The following AHI1 variants were observed in gnomAD, a reference collection of about 807,000 sequenced individuals.
The protein encoded by AHI1 is jouberin.
AHI1 carries 123 observed loss-of-function variants against 149.3 expected under a neutral mutation model. The ratio of observed to expected loss-of-function variants is 0.82; its 90% CI spans 0.71 to 0.96. The LOEUF (loss-of-function observed/expected upper bound fraction) is 0.96, where lower values mean the gene tolerates loss of function less well. Among genes scored for constraint, AHI1 ranks in the 40% least tolerant of loss-of-function variants. The pLI is 0.00. For missense variants in AHI1, 1,439 were observed against 1,422.7 expected, an observed-to-expected ratio of 1.01 and a Z score of -0.18; for synonymous variants, 475 against 459.8, an observed-to-expected ratio of 1.03 and a Z score of -0.42.
At chr6:135,437,817 T>C (rs922147850) in intron 15 of AHI1, among the ~76,000 whole-genome samples, 6 of 152,228 alleles carry the variant, frequency 3.9e-5, no homozygotes, top group Non-Finnish European at 2.9e-5. Flanking sequence ...AAAAAAAGTA[T>C]AAATGAAACT....
At chr6:135,423,422 A>C (rs1783497226) in intron 20 of AHI1, among the ~76,000 whole-genome samples, 1 of 152,190 alleles carries the variant, frequency 6.6e-6, no homozygotes, top group Admixed American at 6.6e-5. Context: ...TGAGCAACTT[A>C]AATAACAAAT....
rs1408926921 is a variant in AHI1 at position 135,475,552 on chromosome 6, C to T, written c.136-7918G>A. Among the ~76,000 whole-genome samples the T allele has an allele frequency of 2.6e-5, 4 of 152,108 alleles. No individual in the cohort carries two copies. In the South Asian group the frequency reaches 6.2e-4, roughly 24 times the overall value. On this transcript the variant is annotated intron_variant, in intron 5 of 28. Coordinates refer to ENST00000265602, the MANE Select transcript of AHI1 (RefSeq NM_001134831.2). The stretch of plus-strand genomic sequence containing the variant: ...GGTTTGGAGTCTGAGCAGCTGAGGT[C>T]GGTGACACAGGCACTGAATGCTCTG...
At chr6:135,444,946 T>C (rs1175706003) in intron 13 of AHI1, among the ~76,000 whole-genome samples, 1 of 152,226 alleles carries the variant, frequency 6.6e-6, no homozygotes, top group Non-Finnish European at 1.5e-5. Flanking sequence ...TTTTGAGAAC[T>C]GCTGATCTGT....
chr6:135,394,321 T>G (rs924626921), intron 23 of AHI1, among the ~76,000 whole-genome samples: 1 of 152,098 alleles, frequency 6.6e-6, no homozygotes, highest in Non-Finnish European at 1.5e-5. Context: ...AGTATAGTTA[T>G]GTAACAAGCT....
At chr6:135,422,914 G>A (rs1157637140) in intron 20 of AHI1, among the ~76,000 whole-genome samples, 2 of 151,862 alleles carry the variant, frequency 1.3e-5, no homozygotes, top group African/African-American at 4.8e-5. Flanking sequence ...GGAATATTTA[G>A]CTACTTTTTA....
At position 135,389,909 on chromosome 6, in the gene AHI1, A is replaced by G. The variant is rs1221320075; in HGVS notation, c.3109+4867T>C. Among the ~76,000 whole-genome samples, 6 of 152,230 alleles carry G rather than the reference A, an allele frequency of 3.9e-5. 1 individual carries two copies. The South Asian group carries it at 1.2e-3, about 32-fold the overall frequency. On this transcript the variant is annotated intron_variant, in intron 23 of 28. Coordinates refer to ENST00000265602, the MANE Select transcript of AHI1 (RefSeq NM_001134831.2). ...CTGAATAATCCACATTTTAAAACTT[A>G]GTTTTACAGCAAGCTTGTCCAACCC...
Position 135,313,772 on chromosome 6 carries a change from G to C in AHI1, c.3426+4747C>G, listed in dbSNP as rs150481636. On this transcript the variant is annotated intron_variant, in intron 26 of 28. Coordinates refer to ENST00000265602, the MANE Select transcript of AHI1 (RefSeq NM_001134831.2). Reference sequence around the variant, plus strand: ...AAGAACACAGGCACATCAGGAAGAGGAAGGGGCAATACCAACTTCACAGGT... The same window carrying C: ...AAGAACACAGGCACATCAGGAAGAGCAAGGGGCAATACCAACTTCACAGGT... Among the ~76,000 whole-genome samples, 365 of 152,292 alleles carry C rather than the reference G, an allele frequency of 2.4e-3. 4 individuals carry two copies. Among genetic ancestry groups the C allele is most frequent in the African/African-American group, 8.3e-3 (346 of 41,552 alleles).
At chr6:135,476,382 T>C (rs1051291496) in intron 5 of AHI1, among the ~76,000 whole-genome samples, 3 of 152,018 alleles carry the variant, frequency 2.0e-5, no homozygotes, top group Non-Finnish European at 4.4e-5. Context: ...AATAAAGCTA[T>C]GTAGACTTGT....
At chr6:135,460,249 A>C (rs1325322831) in intron 8 of AHI1, among the ~76,000 whole-genome samples, 1 of 152,196 alleles carries the variant, frequency 6.6e-6, no homozygotes, top group Non-Finnish European at 1.5e-5. Context: ...ACAATGTTAA[A>C]AAATTTTAAA....
chr6:135,387,995 A>C (rs1315328243), intron 23 of AHI1: 1 of 1,613,640 alleles, frequency 6.2e-7, no homozygotes, highest in East Asian at 2.2e-5. Flanking sequence ...TGCTTTTTCC[A>C]CCATAATATA....
intron 22 of AHI1, among the ~76,000 whole-genome samples, chr6:135,402,881 C>T (rs530272392): frequency 7.9e-5 from 12 of 152,152 alleles, no homozygotes; most frequent in Admixed American, 2.6e-4. Context: ...CAACAGCAGG[C>T]GATGAGTACT....
At chr6:135,382,815 T>A (rs1384469804) in intron 23 of AHI1, among the ~76,000 whole-genome samples, 1 of 148,464 alleles carries the variant, frequency 6.7e-6, no homozygotes, top group Non-Finnish European at 1.5e-5. Flanking sequence ...ACAAGTGCTA[T>A]TTCATTTTTC....
At chr6:135,382,349 G>A (rs1385950807) in intron 23 of AHI1, among the ~76,000 whole-genome samples, 1 of 152,260 alleles carries the variant, frequency 6.6e-6, no homozygotes, top group Non-Finnish European at 1.5e-5. Context: ...TTAAAAATGT[G>A]CATTTAAAAT....
At chr6:135,311,137 A>G (rs1785143865) in intron 26 of AHI1, among the ~76,000 whole-genome samples, 1 of 151,906 alleles carries the variant, frequency 6.6e-6, no homozygotes, top group African/African-American at 2.4e-5. Flanking sequence ...CCCCATCTCT[A>G]CTAAAAGTAC....
At chr6:135,352,715 A>ATATG (rs1448076581) in intron 24 of AHI1, among the ~76,000 whole-genome samples, 12 of 123,410 alleles carry the variant, frequency 9.7e-5, no homozygotes, top group African/African-American at 4.9e-4. Flanking sequence ...ATATATATAC[A>ATATG]CACACACACA....
At chr6:135,470,011 T>C (rs1791432994) in intron 5 of AHI1, among the ~76,000 whole-genome samples, 1 of 151,998 alleles carries the variant, frequency 6.6e-6, no homozygotes. Flanking sequence ...AAAGAAACTA[T>C]CATCAGAATG....
At chr6:135,471,595 C>T (rs1464951360) in intron 5 of AHI1, among the ~76,000 whole-genome samples, 2 of 152,090 alleles carry the variant, frequency 1.3e-5, no homozygotes, top group African/African-American at 4.8e-5. Flanking sequence ...AATTTTGAAA[C>T]GTCCCAAATA....
chr6:135,466,410 C>T, intron 6 of AHI1, 37 bp from the exon 7 acceptor site: 1 of 1,531,442 alleles, frequency 6.5e-7, no homozygotes, highest in Non-Finnish European at 9.0e-7. Flanking sequence ...GTTTCAGTTA[C>T]ACATAGATTA....
At chr6:135,311,470 T>A (rs912528659) in intron 26 of AHI1, among the ~76,000 whole-genome samples, 3 of 152,138 alleles carry the variant, frequency 2.0e-5, no homozygotes, top group Non-Finnish European at 4.4e-5. Context: ...GCATAAATAT[T>A]AGCAGGACAG....
Sources: allele counts gnomAD v4.1 joint callset (sites outside exome capture counted in the v4.1 genomes callset), GRCh38; gene constraint gnomAD v4.1.1; transcripts MANE v1.5; gene names NCBI Gene and HGNC (gene_info 2026-07-23, HGNC 2026-07-21).